DOK6: variants seen among roughly 807,000 people sequenced by gnomAD.
DOK6 encodes docking protein 6, also known as downstream of tyrosine kinase 6.
A neutral mutation model predicts 44.0 loss-of-function variants in DOK6; 22 were observed. The observed-to-expected ratio is 0.50, with a 90% CI of 0.36 to 0.71. The LOEUF (loss-of-function observed/expected upper bound fraction) is 0.71. Among genes scored for constraint, DOK6 ranks in the 30% least tolerant of loss-of-function variants. The pLI, the probability that DOK6 is intolerant of heterozygous loss-of-function variation, is 0.00. For synonymous variants in DOK6, 166 were observed against 145.5 expected (o/e 1.14, Z -1.01); for missense variants, 340 against 416.4 (o/e 0.82, Z 1.60).
intron 1 of DOK6, among the ~76,000 whole-genome samples, chr18:69,498,518 A>G (rs1424650893): frequency 6.6e-6 from 1 of 152,202 alleles, no homozygotes; most frequent in African/African-American, 2.4e-5. Context: ...ATTTTGGAAA[A>G]TTCAATTATA....
intron 3 of DOK6, among the ~76,000 whole-genome samples, chr18:69,649,105 T>G (rs76478613): frequency 0.07 from 10,598 of 152,248 alleles, 422 homozygotes; most frequent in Admixed American, 0.1. Flanking sequence ...GAGAAGTCTG[T>G]GGATATGTCC....
intron 1 of DOK6, among the ~76,000 whole-genome samples, chr18:69,509,837 G>A (rs1599165640): frequency 6.6e-6 from 1 of 152,132 alleles, no homozygotes; most frequent in Non-Finnish European, 1.5e-5. Context: ...CAACTAAATT[G>A]TAATTGTGCC....
At chr18:69,582,946 C>CT (rs1983404779) in intron 2 of DOK6, among the ~76,000 whole-genome samples, 1 of 152,178 alleles carries the variant, frequency 6.6e-6, no homozygotes, top group African/African-American at 2.4e-5. Flanking sequence ...CCATATTTTA[C>CT]TTTTCCATTT....
chr18:69,465,150 G>T (rs1979889394), intron 1 of DOK6, among the ~76,000 whole-genome samples: 2 of 151,932 alleles, frequency 1.3e-5, no homozygotes, highest in Non-Finnish European at 2.9e-5. Context: ...TTCTTGTATG[G>T]CATGTTTGAT....
chr18:69,468,267 C>T (rs1029277477), intron 1 of DOK6, among the ~76,000 whole-genome samples: 4 of 152,060 alleles, frequency 2.6e-5, no homozygotes, highest in African/African-American at 7.2e-5. Flanking sequence ...CAAATAGAAA[C>T]ATGTCACTGA....
At chr18:69,656,672 AAT>A (rs2144667787) in intron 3 of DOK6, among the ~76,000 whole-genome samples, 1 of 152,368 alleles carries the variant, frequency 6.6e-6, no homozygotes, top group East Asian at 1.9e-4. Context: ...CTTAAAACAA[AAT>A]ATAAGTGTAA....
chr18:69,492,326 C>T (rs535616900), intron 1 of DOK6, among the ~76,000 whole-genome samples: 28 of 152,248 alleles, frequency 1.8e-4, no homozygotes, highest in African/African-American at 6.0e-4. Flanking sequence ...ATTGCTTCTG[C>T]AGAGACTGTA....
chr18:69,715,493 A>G (rs1254209621), intron 5 of DOK6, among the ~76,000 whole-genome samples: 2 of 152,254 alleles, frequency 1.3e-5, no homozygotes, highest in Non-Finnish European at 2.9e-5. Flanking sequence ...TTCAGACTGT[A>G]GAGGCAGAGG....
intron 7 of DOK6, among the ~76,000 whole-genome samples, chr18:69,806,801 T>G (rs560661751): frequency 6.6e-6 from 1 of 152,098 alleles, no homozygotes; most frequent in East Asian, 1.9e-4. Flanking sequence ...TCAGATTGCA[T>G]GCAAATTGAC....
At chr18:69,713,675 C>T (rs1043453710) in intron 5 of DOK6, among the ~76,000 whole-genome samples, 3 of 152,132 alleles carry the variant, frequency 2.0e-5, no homozygotes, top group Non-Finnish European at 4.4e-5. Flanking sequence ...AGTTTTCAGC[C>T]TCACAAAACT....
chr18:69,608,533 T>TA (rs751227490), intron 3 of DOK6, among the ~76,000 whole-genome samples: 2 of 152,138 alleles, frequency 1.3e-5, no homozygotes, highest in South Asian at 2.1e-4. Flanking sequence ...TTTATTTTTG[T>TA]AAAAAAAGTC....
intron 7 of DOK6, among the ~76,000 whole-genome samples, chr18:69,804,901 G>A (rs933193035): frequency 5.3e-5 from 8 of 152,086 alleles, no homozygotes; most frequent in African/African-American, 9.7e-5. Flanking sequence ...CTTTGGTGAC[G>A]AGTATCTACC....
chr18:69,650,214 G>T (rs192523641), intron 3 of DOK6, among the ~76,000 whole-genome samples: 39 of 152,250 alleles, frequency 2.6e-4, no homozygotes, highest in African/African-American at 9.1e-4. Flanking sequence ...AAACGTGGTT[G>T]GTTGATTTTA....
intron 4 of DOK6, among the ~76,000 whole-genome samples, chr18:69,680,738 T>C (rs1986025973): frequency 6.6e-6 from 1 of 152,200 alleles, no homozygotes; most frequent in South Asian, 2.1e-4. Context: ...CAATTACCAG[T>C]AGGCTATAAA....
intron 1 of DOK6, among the ~76,000 whole-genome samples, chr18:69,427,432 C>T (rs1978672227): frequency 6.6e-6 from 1 of 152,094 alleles, no homozygotes; most frequent in Non-Finnish European, 1.5e-5. Flanking sequence ...AATGAAATGC[C>T]ATCTGACACC....
At chr18:69,675,571 C>T (rs180776903) in intron 3 of DOK6, among the ~76,000 whole-genome samples, 9 of 151,992 alleles carry the variant, frequency 5.9e-5, no homozygotes, top group East Asian at 1.9e-4. Flanking sequence ...TGTTAAATGA[C>T]GAATTAATGG....
At chr18:69,738,378 ATTAAAATG>A (rs1467374722) in intron 5 of DOK6, among the ~76,000 whole-genome samples, 1 of 152,212 alleles carries the variant, frequency 6.6e-6, no homozygotes, top group Non-Finnish European at 1.5e-5. Context: ...AGCTTAAAAT[ATTAAAATG>A]TTTTCCATTT....
chr18:69,457,428 T>G (rs1373356122), intron 1 of DOK6, among the ~76,000 whole-genome samples: 1 of 152,046 alleles, frequency 6.6e-6, no homozygotes, highest in Admixed American at 6.6e-5. Context: ...TTGCTTGTTT[T>G]TGTTGGCTGT....
At chr18:69,708,499 C>G (rs1986685403) in intron 5 of DOK6, among the ~76,000 whole-genome samples, 1 of 152,058 alleles carries the variant, frequency 6.6e-6, no homozygotes, top group Non-Finnish European at 1.5e-5. Flanking sequence ...AAATAATGTG[C>G]TTTGAGGCCG....
Sources: allele counts gnomAD v4.1 joint callset (sites outside exome capture counted in the v4.1 genomes callset), GRCh38; gene constraint gnomAD v4.1.1; transcripts MANE v1.5; gene names NCBI Gene and HGNC (gene_info 2026-07-23, HGNC 2026-07-21).